Variants in DERA observed in about 807,000 individuals in gnomAD.
DERA encodes 2-deoxy-D-ribose 5-phosphate aldolase.
A neutral mutation model predicts 41.1 loss-of-function variants in DERA; 15 were observed. The observed-to-expected ratio is 0.37, with a 90% confidence interval of 0.24 to 0.56. The LOEUF (loss-of-function observed/expected upper bound fraction) is 0.56. Ranked by LOEUF, DERA falls within the 20% of genes least tolerant of loss-of-function variation. DERA has a pLI of 0.81. For missense variants in DERA, 396 were observed against 403.4 expected (o/e 0.98, Z 0.16); for synonymous variants, 139 against 137.4 (o/e 1.01, Z -0.08).
chr12:15,989,008 G>T lies in DERA; in HGVS notation c.637+6572G>T, dbSNP rs577567130. ...ACAGCTTTGCTCCGCAGTGGAGAAGGCTCCAGGAGTAGGGAGAGGCCAGGG... is the reference window on the plus strand; with the variant it reads ...ACAGCTTTGCTCCGCAGTGGAGAAGTCTCCAGGAGTAGGGAGAGGCCAGGG... On this transcript the variant is annotated intron_variant, in intron 6 of 8. Transcript: ENST00000428559. This position sits in a 1 kb window ranked among gnomAD's most constrained non-coding sequence, Gnocchi z 5.2. 2.0e-5 allele frequency among the ~76,000 whole-genome samples: 3 copies of T among 152,388 alleles called. No homozygotes were observed. The South Asian group carries it at 6.2e-4, about 32-fold the overall frequency.
rs1948613987 is a variant in DERA at position 15,965,207 on chromosome 12, C to T, written c.508+2260C>T. ...GGAATTTGTGGATGGAAATGTCTATCAAGCAATTGCAGTTTTAAATCCAGG... is the reference window on the plus strand; with the variant it reads ...GGAATTTGTGGATGGAAATGTCTATTAAGCAATTGCAGTTTTAAATCCAGG... On this transcript the variant is annotated intron_variant, in intron 5 of 8. Coordinates refer to ENST00000428559, the MANE Select transcript of DERA (RefSeq NM_015954.4). This position sits in a 1 kb window ranked among gnomAD's most constrained non-coding sequence, Gnocchi z 4.1. 6.6e-6 allele frequency among the ~76,000 whole-genome samples: 1 copy of T among 152,148 alleles called. No individual in the cohort carries two copies. Among genetic ancestry groups the T allele is most frequent in the Non-Finnish European group, 1.5e-5 (1 of 68,042 alleles).
Position 15,988,918 on chromosome 12 carries a change from G to A in DERA, c.637+6482G>A, listed in dbSNP as rs143771765. ...AGGGGGCCAAGGCGGTGGGAGGCTG[G>A]CGTGTCAGCGCTGCCCTGAATGTGT... On this transcript the variant is annotated intron_variant, in intron 6 of 8. Transcript: ENST00000428559. The surrounding 1 kb of genome is among the most constrained non-coding windows in gnomAD (Gnocchi z 6.0). Among the ~76,000 whole-genome samples, 11 of 152,332 alleles carry A rather than the reference G, an allele frequency of 7.2e-5. No individual in the cohort carries two copies. Among genetic ancestry groups the A allele is most frequent in the Admixed American group, 4.6e-4 (7 of 15,306 alleles).
Position 15,954,032 on chromosome 12 carries a change from G to T in DERA, c.32-2904G>T, listed in dbSNP as rs1399206956. On this transcript the variant is annotated intron_variant, in intron 1 of 8. Coordinates refer to ENST00000428559, the MANE Select transcript of DERA (RefSeq NM_015954.4). The surrounding 1 kb of genome is among the most constrained non-coding windows in gnomAD (Gnocchi z 4.0). Reference sequence around the variant, plus strand: ...AGAAATCCTATTACATTCTCCAGTAGATGGTTTGCAGGGACCTCTGGCAAG... The same window carrying T: ...AGAAATCCTATTACATTCTCCAGTATATGGTTTGCAGGGACCTCTGGCAAG... Among the ~76,000 whole-genome samples the T allele has an allele frequency of 6.6e-6, 1 of 152,222 alleles. No individual in the cohort carries two copies. Among genetic ancestry groups the T allele is most frequent in the East Asian group, 1.9e-4 (1 of 5,194 alleles).
At position 15,921,841 on chromosome 12, in the gene DERA, G is replaced by T. The variant is rs917962812; in HGVS notation, c.31+10427G>T. 6.6e-6 allele frequency among the ~76,000 whole-genome samples: 1 copy of T among 152,040 alleles called. No homozygotes were observed. The highest frequency in any genetic ancestry group is 1.5e-5 in the Non-Finnish European group (1 of 68,020). On this transcript the variant is annotated intron_variant, in intron 1 of 8. Transcript: ENST00000428559. The surrounding 1 kb of genome is among the most constrained non-coding windows in gnomAD (Gnocchi z 5.3). ...CTCGGGAGACTGAGGTAGGAGAATC[G>T]CTTGAACCCAGGAGGCAGAGGTTGC...
In DERA at chr12:15,936,947, C is replaced by T. The variant is rs1453282733; in HGVS notation, c.32-19989C>T. 0.02 allele frequency among the ~76,000 whole-genome samples: 2,713 copies of T among 135,202 alleles called. 97 individuals carry two copies. The highest frequency in any genetic ancestry group is 0.081 in the African/African-American group (2,565 of 31,516). 88.7% of individuals were successfully genotyped at this position (135,202 alleles called of 152,430 possible). On this transcript the variant is annotated intron_variant, in intron 1 of 8. Transcript: ENST00000428559. The surrounding 1 kb of genome is among the most constrained non-coding windows in gnomAD (Gnocchi z 4.6). Reference sequence around the variant, plus strand: ...TGTCCTGTCCTGTCTTGTCCTGTCCCGTCCTGTCCTGCCCTGCCCTGCCCT... The same window carrying T: ...TGTCCTGTCCTGTCTTGTCCTGTCCTGTCCTGTCCTGCCCTGCCCTGCCCT...
intron 1 of DERA, among the ~76,000 whole-genome samples, chr12:15,917,490 A>T (rs894527969): frequency 1.3e-5 from 2 of 152,228 alleles, no homozygotes; most frequent in Non-Finnish European, 2.9e-5. Context: ...TGCTTTTCTA[A>T]CATAATCTCT....
rs1948794992 is a variant in DERA at position 15,990,567 on chromosome 12, C to T, written c.637+8131C>T. ...CTTACCCAGATGTTAATCTGAGTAT[C>T]CATTTGTCGTTTTTTCTGATCCTCT... On this transcript the variant is annotated intron_variant, in intron 6 of 8. Coordinates refer to ENST00000428559, the MANE Select transcript of DERA (RefSeq NM_015954.4). The surrounding 1 kb of genome is among the most constrained non-coding windows in gnomAD (Gnocchi z 4.3). 6.6e-6 allele frequency among the ~76,000 whole-genome samples: 1 copy of T among 152,006 alleles called. No individual in the cohort carries two copies.
rs573393283 is a variant in DERA, at chr12:16,013,082, T to C, written c.638-19460T>C. On this transcript the variant is annotated intron_variant, in intron 6 of 8. Coordinates refer to ENST00000428559, the MANE Select transcript of DERA (RefSeq NM_015954.4). This position sits in a 1 kb window ranked among gnomAD's most constrained non-coding sequence, Gnocchi z 5.8. ...AGTCAGTGACTCCCAGTTGGCATCA[T>C]TGAGCTGGTCCTAAAAGGTCCTTTA... 8.6e-4 allele frequency among the ~76,000 whole-genome samples: 131 copies of C among 152,294 alleles called. 1 individual carries two copies. Among genetic ancestry groups the C allele is most frequent in the African/African-American group, 3.1e-3 (127 of 41,552 alleles).
At position 15,924,890 on chromosome 12, in the gene DERA, A is replaced by G. The variant is rs1286604269; in HGVS notation, c.31+13476A>G. 6.6e-6 allele frequency among the ~76,000 whole-genome samples: 1 copy of G among 152,188 alleles called. No individual in the cohort carries two copies. Among genetic ancestry groups the G allele is most frequent in the Non-Finnish European group, 1.5e-5 (1 of 68,030 alleles). On this transcript the variant is annotated intron_variant, in intron 1 of 8. Transcript: ENST00000428559. This position sits in a 1 kb window ranked among gnomAD's most constrained non-coding sequence, Gnocchi z 5.0. ...TTTTATGTTCTAATGCTGCCTTATT[A>G]ATAGGCTGCTTGAGGGTAGGATCTG...
At chr12:15,952,550 G>A (rs1948506530) in intron 1 of DERA, among the ~76,000 whole-genome samples, 1 of 152,072 alleles carries the variant, frequency 6.6e-6, no homozygotes, top group South Asian at 2.1e-4. Context: ...AAATAAAAAG[G>A]AACAGGTGAA....
rs547709033 is a variant in DERA at position 15,935,504 on chromosome 12, C to A, written c.32-21432C>A. The stretch of plus-strand genomic sequence containing the variant: ...CCTGTCTCAAAAAAATAAAAAGTTT[C>A]ACTATAATTTTTAAAAAGAAATTTC... On this transcript the variant is annotated intron_variant, in intron 1 of 8. Transcript: ENST00000428559. The surrounding 1 kb of genome is among the most constrained non-coding windows in gnomAD (Gnocchi z 4.8). 2.2e-3 allele frequency among the ~76,000 whole-genome samples: 328 copies of A among 152,052 alleles called. No individual in the cohort carries two copies. Among genetic ancestry groups the A allele is most frequent in the Non-Finnish European group, 3.9e-3 (263 of 67,958 alleles).
intron 6 of DERA, among the ~76,000 whole-genome samples, chr12:15,987,592 G>A (rs139101741): frequency 3.9e-5 from 6 of 151,936 alleles, no homozygotes; most frequent in Middle Eastern, 3.4e-3. Flanking sequence ...TTTCCTTCTC[G>A]GACCCCAAGT....
At chr12:15,914,411 A>G (rs1434224508) in intron 1 of DERA, among the ~76,000 whole-genome samples, 2 of 151,460 alleles carry the variant, frequency 1.3e-5, no homozygotes, top group African/African-American at 4.8e-5. Context: ...AAAAAAAAAA[A>G]AGAAAAAGTC....
At chr12:15,980,979 G>A (rs989040767) in intron 5 of DERA, among the ~76,000 whole-genome samples, 104 of 152,190 alleles carry the variant, frequency 6.8e-4, no homozygotes, top group African/African-American at 2.4e-3. Flanking sequence ...TCTCATTTTA[G>A]CTTTAAGAAA....
At position 16,009,449 on chromosome 12, in the gene DERA, C is replaced by T. The variant is rs916260782; in HGVS notation, c.638-23093C>T. Among the ~76,000 whole-genome samples, 1 of 152,012 alleles carries T rather than the reference C, an allele frequency of 6.6e-6. No individual in the cohort carries two copies. Among genetic ancestry groups the T allele is most frequent in the Non-Finnish European group, 1.5e-5 (1 of 67,982 alleles). On this transcript the variant is annotated intron_variant, in intron 6 of 8. Coordinates refer to ENST00000428559, the MANE Select transcript of DERA (RefSeq NM_015954.4). The surrounding 1 kb of genome is among the most constrained non-coding windows in gnomAD (Gnocchi z 5.3). ...CATGTATTAAATACAAAAAATTGGG[C>T]CAAGTCAACCCAGAAAACCTCTTCT...
At chr12:16,005,205 A>G (rs2136175574) in intron 6 of DERA, among the ~76,000 whole-genome samples, 1 of 152,210 alleles carries the variant, frequency 6.6e-6, no homozygotes, top group Non-Finnish European at 1.5e-5. Flanking sequence ...TGCTTTGGGG[A>G]GGCTGAGGTG....
At chr12:15,944,356 G>C (rs1948430753) in intron 1 of DERA, among the ~76,000 whole-genome samples, 1 of 152,166 alleles carries the variant, frequency 6.6e-6, no homozygotes, top group South Asian at 2.1e-4. Flanking sequence ...CAGTGTAAAA[G>C]TGTTCCTATT....
At position 15,988,496 on chromosome 12, in the gene DERA, G is replaced by A. The variant is rs371032382; in HGVS notation, c.637+6060G>A. On this transcript the variant is annotated intron_variant, in intron 6 of 8. Transcript: ENST00000428559. This position sits in a 1 kb window ranked among gnomAD's most constrained non-coding sequence, Gnocchi z 6.0. The stretch of plus-strand genomic sequence containing the variant: ...GGTAGCTCCTTTTTGCAGGCAGGTC[G>A]TCCCTGTGAGTGTGTGAGTCTGACT... Among the ~76,000 whole-genome samples, 22 of 152,180 alleles carry A rather than the reference G, an allele frequency of 1.4e-4. No individual in the cohort carries two copies. Among genetic ancestry groups the A allele is most frequent in the African/African-American group, 3.4e-4 (14 of 41,452 alleles).
rs146182174 is a variant in DERA at position 16,033,581 on chromosome 12, T to TTGTGTGTGTGTG, written c.750+959_750+970dup. ...TTTTTTACATGATTGGAGAGCAAGGTTGTGTGTGTGTGTGTGTGTGTGTGT... is the reference window on the plus strand; with the variant it reads ...TTTTTTACATGATTGGAGAGCAAGGTTGTGTGTGTGTGTGTGTGTGTGTGTGTGTGTGTGTGT... On this transcript the variant is annotated intron_variant, in intron 7 of 8. Coordinates refer to ENST00000428559, the MANE Select transcript of DERA (RefSeq NM_015954.4). Among the ~76,000 whole-genome samples the TTGTGTGTGTGTG allele has an allele frequency of 5.0e-3, 636 of 127,686 alleles. 4 individuals carry two copies. Among genetic ancestry groups the TTGTGTGTGTGTG allele is most frequent in the East Asian group, 0.011 (48 of 4,488 alleles). The allele number at this position is 127,686 out of a possible 152,430, so 83.8% of individuals were successfully genotyped here. A position where few individuals can be genotyped will look rare whatever the true frequency, so the allele number is the denominator to read the frequency against.
Sources: allele counts gnomAD v4.1 joint callset (sites outside exome capture counted in the v4.1 genomes callset), GRCh38; gene constraint gnomAD v4.1.1; non-coding constraint Gnocchi (gnomAD v3.1); transcripts MANE v1.5; gene names NCBI Gene and HGNC (gene_info 2026-07-23, HGNC 2026-07-21).